The following STRA6 variants were observed in gnomAD, a reference collection of about 807,000 sequenced individuals.
STRA6 encodes the protein receptor for retinol uptake STRA6.
A neutral mutation model predicts 83.6 loss-of-function variants in STRA6; 48 were observed. The ratio of observed to expected loss-of-function variants is 0.57; its 90% CI spans 0.46 to 0.73. STRA6 has a LOEUF of 0.73. Among genes scored for constraint, STRA6 ranks in the 30% least tolerant of loss-of-function variants. The probability of loss-of-function intolerance (pLI) is 0.00; values close to 1 mark genes in which losing one functional copy is unlikely to be tolerated. For synonymous variants in STRA6, 353 were observed against 362.3 expected (o/e 0.97, Z 0.29); for missense variants, 760 against 838.8 (o/e 0.91, Z 1.16).
In STRA6 at chr15:74,180,891, C is replaced by T. The variant is rs776349957; in HGVS notation, c.1731G>A (p.Ser577=). 3.1e-6 allele frequency: 5 copies of T among 1,613,854 alleles called. No homozygotes were observed. The highest frequency in any genetic ancestry group is 2.2e-5 in the East Asian group (1 of 44,892). Residue 577 remains serine (S), a synonymous_variant, in exon 18 of 19, where the codon TCG becomes TCA. Coordinates refer to ENST00000395105, the MANE Select transcript of STRA6 (RefSeq NM_022369.4). ...AGCAGAAGGCTGTCATGGCTGGATG[C>T]GACTGGCTGACTTCAATCTTCAAGA... is the stretch of plus-strand genomic sequence containing the variant. The part of the protein sequence containing the change: ...RNFLKIEVSQ[S]HPAMTAFCSL...
At chr15:74,189,309 C>G (rs573349643) in intron 11 of STRA6, 32 bp from the exon 12 acceptor site, 36 of 1,566,946 alleles carry the variant, frequency 2.3e-5, no homozygotes, top group Middle Eastern at 3.5e-4. Context: ...GGCCCCATCC[C>G]AGGAAAGGGT....
At chr15:74,200,913 C>T (rs781562551) in intron 2 of STRA6, among the ~76,000 whole-genome samples, 6 of 152,218 alleles carry the variant, frequency 3.9e-5, no homozygotes, top group Non-Finnish European at 7.3e-5. Context: ...AGTGCCCAGG[C>T]CCTGAGGCTC....
chr15:74,206,068 C>T (rs1342330447), upstream of STRA6, among the ~76,000 whole-genome samples: 2 of 152,212 alleles, frequency 1.3e-5, no homozygotes, highest in Non-Finnish European at 2.9e-5. Context: ...GTCTCACTGT[C>T]CTCTCTCAAA....
In STRA6 at chr15:74,182,349, G is replaced by A. The variant is rs559293180; in HGVS notation, c.1412C>T (p.Ser471Phe). 5.6e-6 allele frequency: 9 copies of A among 1,614,148 alleles called. No individual in the cohort carries two copies. The South Asian group carries it at 9.9e-5, about 18-fold the overall frequency. Reference protein sequence around the residue: ...RNLLLFRSLESSWPFWLTLAL... With the variant: ...RNLLLFRSLEFSWPFWLTLAL... ...CATGTCTTGTTTCACTCACCACGAG[G>A]ACTCCAGGGAACGGAAGAGCAGGAG... Residue 471 changes from serine (S) to phenylalanine (F), a missense_variant, in exon 15 of 19, where the codon TCC (serine) becomes TTC (phenylalanine). Physicochemically the swap from Ser to Phe is radical, Grantham distance 155. Transcript: ENST00000395105.
intron 8 of STRA6, 87 bp from the exon 9 acceptor site, chr15:74,191,578 A>C: frequency 8.5e-7 from 1 of 1,172,322 alleles, no homozygotes; most frequent in Admixed American, 1.7e-5. Context: ...AGTGTTCACC[A>C]AGCAGGTGCT....
At chr15:74,182,977 C>T in intron 14 of STRA6, 1 of 178,250 alleles carries the variant, frequency 5.6e-6, no homozygotes, top group South Asian at 1.3e-4. Flanking sequence ...TTCATCTACT[C>T]CTTTACCATC....
intron 12 of STRA6, among the ~76,000 whole-genome samples, chr15:74,187,469 C>A (rs952414017): frequency 6.6e-6 from 1 of 151,846 alleles, no homozygotes; most frequent in Non-Finnish European, 1.5e-5. Context: ...ATGCACTTTG[C>A]CCAAGGTCAC....
At chr15:74,205,903 C>G (rs1200328086), upstream of STRA6, among the ~76,000 whole-genome samples, 1 of 152,198 alleles carries the variant, frequency 6.6e-6, no homozygotes, top group Non-Finnish European at 1.5e-5. Flanking sequence ...CAGCCTTGTG[C>G]CTGGTACTTT....
Position 74,189,278 on chromosome 15 carries a change from C to A in STRA6, c.928-1G>T. 2 of 1,590,974 alleles carry A rather than the reference C, an allele frequency of 1.3e-6. No homozygotes were observed. The highest frequency in any genetic ancestry group is 2.3e-5 in the East Asian group (1 of 43,998). ...CGCCCACCAGCAGCAGCAGGGCCAC[C>A]TGGAAGAGCCCCACAGTGAGGGCCC... is the stretch of plus-strand genomic sequence containing the variant. On this transcript the variant is annotated splice_acceptor_variant, in intron 11 of 18. Transcript: ENST00000395105. LOFTEE classifies it high-confidence loss of function.
chr15:74,184,852 TG>T, intron 13 of STRA6, 127 bp downstream of exon 13: 1 of 886,932 alleles, frequency 1.1e-6, no homozygotes, highest in Non-Finnish European at 1.8e-6. Flanking sequence ...CACGCACAGG[TG>T]GGCTCCATGA....
At chr15:74,199,615 AG>A (rs1160222680) in intron 2 of STRA6, among the ~76,000 whole-genome samples, 1 of 152,208 alleles carries the variant, frequency 6.6e-6, no homozygotes, top group African/African-American at 2.4e-5. Context: ...CCCTACCCCC[AG>A]AAATGCCCTC....
intron 7 of STRA6, chr15:74,194,590 TG>T: frequency 2.0e-6 from 1 of 498,600 alleles, no homozygotes; most frequent in Non-Finnish European, 3.1e-6. Flanking sequence ...TGGTACCACC[TG>T]GCATCATTTT....
At chr15:74,204,918 G>A (rs994231169), upstream of STRA6, among the ~76,000 whole-genome samples, 2 of 151,018 alleles carry the variant, frequency 1.3e-5, no homozygotes, top group African/African-American at 4.9e-5. Flanking sequence ...CTGGACAAAA[G>A]AGGCAAACTC....
intron 3 of STRA6, 51 bp downstream of exon 3, chr15:74,197,701 G>A: frequency 6.2e-7 from 1 of 1,604,534 alleles, no homozygotes; most frequent in Non-Finnish European, 8.5e-7. Flanking sequence ...AGGTCCCACT[G>A]CCCAGGCTGG....
chr15:74,189,863 T>C (rs2073447199), intron 11 of STRA6, among the ~76,000 whole-genome samples: 1 of 152,048 alleles, frequency 6.6e-6, no homozygotes, highest in East Asian at 1.9e-4. Flanking sequence ...AGGGTTTCAC[T>C]ACATTGGCTG....
chr15:74,208,901 C>G, exon 1 of STRA6: 4 of 989,984 alleles, frequency 4.0e-6, no homozygotes, highest in Non-Finnish European at 4.8e-6. Context: ...AGGGTGCTCC[C>G]AACACGGGGC....
chr15:74,194,615 G>A (rs1363561778), intron 7 of STRA6: 3 of 585,624 alleles, frequency 5.1e-6, no homozygotes, highest in Non-Finnish European at 7.6e-6. Flanking sequence ...TGCGTGTCAT[G>A]TCTGCCCTTC....
chr15:74,194,199 C>A (rs1267501119), intron 7 of STRA6, among the ~76,000 whole-genome samples: 1 of 152,150 alleles, frequency 6.6e-6, no homozygotes, highest in Non-Finnish European at 1.5e-5. Flanking sequence ...TCCCTCCTGC[C>A]CCCCACTGGA....
intron 1 of STRA6, chr15:74,208,667 C>T (rs1194798228): frequency 1.0e-6 from 1 of 974,338 alleles, no homozygotes; most frequent in Non-Finnish European, 1.2e-6. Context: ...TTGCTCCAGC[C>T]CATCACTCTG....
Sources: gnomAD v4.1 joint callset for allele counts (sites outside exome capture counted in the v4.1 genomes callset) on GRCh38, gnomAD v4.1.1 for gene constraint, MANE v1.5 for transcripts, NCBI Gene and HGNC (gene_info 2026-07-23, HGNC 2026-07-21) for gene names.